Variants in MREG observed in about 807,000 individuals in gnomAD.
MREG encodes dilute suppressor protein homolog.
MREG carries 31 observed loss-of-function variants against 28.5 expected under a neutral mutation model. The observed-to-expected ratio is 1.09, with a 90% CI of 0.82 to 1.47. The LOEUF (loss-of-function observed/expected upper bound fraction) is 1.47, where lower values mean the gene tolerates loss of function less well. Ranked by LOEUF, MREG falls within the 40% of genes most tolerant of loss-of-function variation. The pLI, the probability that MREG is intolerant of heterozygous loss-of-function variation, is 0.00. For synonymous variants in MREG, 106 were observed against 95.2 expected (o/e 1.11, Z -0.66); for missense variants, 256 against 257.4 (o/e 0.99, Z 0.04).
intron 2 of MREG, among the ~76,000 whole-genome samples, chr2:215,988,706 G>A (rs986894803): frequency 6.6e-6 from 1 of 152,198 alleles, no homozygotes; most frequent in Non-Finnish European, 1.5e-5. Flanking sequence ...GCTTGGTTGG[G>A]GGAGGGGCAT....
intron 1 of MREG, among the ~76,000 whole-genome samples, chr2:216,007,890 A>G (rs1488226384): frequency 6.6e-6 from 1 of 152,136 alleles, no homozygotes; most frequent in East Asian, 1.9e-4. Flanking sequence ...CAATGTTGAT[A>G]GAGCAACAAT....
At chr2:216,031,760 CT>C (rs1337407267) in intron 1 of MREG, among the ~76,000 whole-genome samples, 4 of 151,770 alleles carry the variant, frequency 2.6e-5, no homozygotes, top group Non-Finnish European at 4.4e-5. Flanking sequence ...CCCAATTCCC[CT>C]AATGTCCATA....
chr2:215,952,158 C>A (rs1692506418), intron 2 of MREG, among the ~76,000 whole-genome samples: 1 of 152,174 alleles, frequency 6.6e-6, no homozygotes, highest in Admixed American at 6.5e-5. Flanking sequence ...TTATCTTTAT[C>A]CATTCATTCA....
At chr2:215,957,846 G>A (rs368236943) in intron 2 of MREG, among the ~76,000 whole-genome samples, 10 of 151,986 alleles carry the variant, frequency 6.6e-5, no homozygotes, top group South Asian at 4.1e-4. Context: ...GCAAAGACTT[G>A]GAACCAACCC....
At chr2:215,971,858 T>C (rs1693108578) in intron 2 of MREG, among the ~76,000 whole-genome samples, 1 of 152,188 alleles carries the variant, frequency 6.6e-6, no homozygotes, top group Admixed American at 6.5e-5. Flanking sequence ...AAGGACAGTC[T>C]GTGTTTCAAC....
At chr2:215,958,173 G>A (rs894194141) in intron 2 of MREG, among the ~76,000 whole-genome samples, 1 of 151,314 alleles carries the variant, frequency 6.6e-6, no homozygotes, top group Non-Finnish European at 1.5e-5. Flanking sequence ...AAGTTAATGG[G>A]TGCAGCACAC....
chr2:215,954,230 T>C (rs1016471272), intron 2 of MREG, among the ~76,000 whole-genome samples: 4 of 152,184 alleles, frequency 2.6e-5, no homozygotes, highest in African/African-American at 7.2e-5. Flanking sequence ...TTCAACTCTC[T>C]TATGAAGACA....
chr2:215,990,544 A>C (rs901694962), intron 2 of MREG, among the ~76,000 whole-genome samples: 3 of 152,346 alleles, frequency 2.0e-5, no homozygotes, highest in Admixed American at 6.5e-5. Flanking sequence ...CACACAAAGC[A>C]ATATTAACCT....
At position 216,010,254 on chromosome 2, in the gene MREG, G is replaced by GA. The variant is rs1694262613; in HGVS notation, c.95+2978dup. 2.0e-5 allele frequency among the ~76,000 whole-genome samples: 3 copies of GA among 151,566 alleles called. No homozygotes were observed. The South Asian group carries it at 6.2e-4, about 32-fold the overall frequency. On this transcript the variant is annotated intron_variant, in intron 1 of 4. Transcript: ENST00000263268. ...GGAGCAACCAGAAGCTGGAATCAGT[G>GA]AAAAATGATTCTCCCCTACACCCTT...
In MREG at chr2:215,969,920, G is replaced by T. The variant is rs1159175571; in HGVS notation, c.256-22807C>A. Among the ~76,000 whole-genome samples, 7 of 152,114 alleles carry T rather than the reference G, an allele frequency of 4.6e-5. No homozygotes were observed. The East Asian group carries it at 1.3e-3, about 29-fold the overall frequency. On this transcript the variant is annotated intron_variant, in intron 2 of 4. Transcript: ENST00000263268. ...AAAAACCTTGCAAAGGGACAAAGAAGTGTTTTCTACTCATTTAGTTAGAAA... is the reference window on the plus strand; with the variant it reads ...AAAAACCTTGCAAAGGGACAAAGAATTGTTTTCTACTCATTTAGTTAGAAA...
At chr2:215,954,485 A>ACAC (rs1407504625) in intron 2 of MREG, among the ~76,000 whole-genome samples, 5 of 31,036 alleles carry the variant, frequency 1.6e-4, no homozygotes, top group South Asian at 7.3e-4. Context: ...CACACACACA[A>ACAC]AACAACCAGA....
At chr2:216,001,425 G>A (rs558385009) in intron 1 of MREG, among the ~76,000 whole-genome samples, 3 of 152,278 alleles carry the variant, frequency 2.0e-5, no homozygotes, top group Admixed American at 6.5e-5. Flanking sequence ...CCCCTGGACC[G>A]GCAATGCCTC....
At chr2:215,953,477 C>A (rs1480550738) in intron 2 of MREG, among the ~76,000 whole-genome samples, 3 of 152,208 alleles carry the variant, frequency 2.0e-5, no homozygotes, top group Non-Finnish European at 4.4e-5. Context: ...GGGCACATTA[C>A]CCAACTCAAG....
chr2:216,022,044 C>A (rs1262887979), intron 1 of MREG, among the ~76,000 whole-genome samples: 1 of 152,086 alleles, frequency 6.6e-6, no homozygotes, highest in Non-Finnish European at 1.5e-5. Flanking sequence ...TCAAGGCCAG[C>A]CTGGCCAACA....
chr2:216,034,065 T>C (rs1232262444), upstream of MREG: 1 of 152,084 alleles, frequency 6.6e-6, no homozygotes, highest in Non-Finnish European at 1.5e-5. Flanking sequence ...GCAGAAGAAA[T>C]ACCAAAGGAA....
At chr2:215,997,073 G>A (rs1446451689) in intron 1 of MREG, among the ~76,000 whole-genome samples, 3 of 152,156 alleles carry the variant, frequency 2.0e-5, no homozygotes, top group African/African-American at 7.2e-5. Flanking sequence ...GAGCCACCGC[G>A]CCCAGCCAGG....
intron 2 of MREG, among the ~76,000 whole-genome samples, chr2:215,977,740 A>T (rs1350350498): frequency 6.6e-6 from 1 of 152,204 alleles, no homozygotes; most frequent in African/African-American, 2.4e-5. Context: ...TCAAAACTGC[A>T]CAACTACATG....
At chr2:216,002,026 T>C (rs1694026241) in intron 1 of MREG, among the ~76,000 whole-genome samples, 1 of 152,084 alleles carries the variant, frequency 6.6e-6, no homozygotes, top group African/African-American at 2.4e-5. Flanking sequence ...GAAGGTTCCC[T>C]TTCTCTCCCT....
At chr2:216,010,254 G>A (rs2888385) in intron 1 of MREG, among the ~76,000 whole-genome samples, 31,090 of 151,482 alleles carry the variant, frequency 0.21, 3,380 homozygotes, top group Non-Finnish European at 0.25. Context: ...TGGAATCAGT[G>A]AAAAATGATT....
Sources: gnomAD v4.1 joint callset for allele counts (sites outside exome capture counted in the v4.1 genomes callset) on GRCh38, gnomAD v4.1.1 for gene constraint, MANE v1.5 for transcripts, NCBI Gene and HGNC (gene_info 2026-07-23, HGNC 2026-07-21) for gene names.